DGLUCY: variants seen among roughly 807,000 people sequenced by gnomAD.
DGLUCY encodes D-glutamate cyclase, also known as D-glutamate cyclase, mitochondrial.
A neutral mutation model predicts 58.5 loss-of-function variants in DGLUCY; 58 were observed. The observed-to-expected ratio is 0.99, with a 90% CI of 0.80 to 1.23. The LOEUF (loss-of-function observed/expected upper bound fraction) is 1.23, where lower values mean the gene tolerates loss of function less well. DGLUCY is among the 50% of genes most tolerant of loss of function. DGLUCY has a pLI of 0.00. For synonymous variants in DGLUCY, 325 were observed against 314.1 expected, an observed-to-expected ratio of 1.03 and a Z score of -0.37; for missense variants, 779 against 784.7, an observed-to-expected ratio of 0.99 and a Z score of 0.09.
chr14:91,181,283 T>C lies in DGLUCY; in HGVS notation c.828T>C (p.Ile276=), dbSNP rs942932055. ...APPGCLTPER[I]PEVHHISQDP... ...CTGGTTGTCTCACCCCAGAGAGAAT[T>C]CCAGAGGTCCATCACATTTCCCAAG... Residue 276 remains isoleucine (I), a synonymous_variant, in exon 8 of 14, where the codon ATT becomes ATC. Coordinates refer to ENST00000256324, the MANE Select transcript of DGLUCY (RefSeq NM_001102368.3). 8.7e-6 allele frequency: 14 copies of C among 1,614,160 alleles called. No individual in the cohort carries two copies. The highest frequency in any genetic ancestry group is 1.1e-5 in the Non-Finnish European group (13 of 1,180,006).
chr14:91,155,958 A>G (rs1325143888), intron 1 of DGLUCY, among the ~76,000 whole-genome samples: 1 of 152,106 alleles, frequency 6.6e-6, no homozygotes, highest in Non-Finnish European at 1.5e-5. Context: ...CTCTGAGGGC[A>G]CCACTGATAC....
intron 1 of DGLUCY, among the ~76,000 whole-genome samples, chr14:91,134,649 G>C (rs1330013474): frequency 1.3e-5 from 2 of 152,010 alleles, no homozygotes; most frequent in Admixed American, 6.6e-5. Context: ...TGTTGCCCAG[G>C]CTGCTCTCAA....
chr14:91,110,970 T>C (rs1423316005), upstream of DGLUCY, among the ~76,000 whole-genome samples: 1 of 152,166 alleles, frequency 6.6e-6, no homozygotes. Context: ...TAACTCCAGG[T>C]ACTTCATATA....
At chr14:91,112,746 G>A (rs776026644), upstream of DGLUCY, among the ~76,000 whole-genome samples, 6 of 151,974 alleles carry the variant, frequency 3.9e-5, no homozygotes, top group Non-Finnish European at 8.8e-5. Context: ...TAGGCTGGGA[G>A]CGGTGGCTGA....
rs1171885166 is a variant in DGLUCY, at chr14:91,135,798, CT to C, written c.-82+21516del. Among the ~76,000 whole-genome samples, 3 of 149,012 alleles carry C rather than the reference CT, an allele frequency of 2.0e-5. No individual in the cohort carries two copies. In the East Asian group the frequency reaches 5.9e-4, roughly 29 times the overall value. ...ACATTAAATGCTACTAATTTTTTTTCTGCATTTATTGAGATAGTATCTTTTT... is the reference window on the plus strand; with the variant it reads ...ACATTAAATGCTACTAATTTTTTTTCGCATTTATTGAGATAGTATCTTTTT... On this transcript the variant is annotated intron_variant, in intron 1 of 13. Coordinates refer to ENST00000256324, the MANE Select transcript of DGLUCY (RefSeq NM_001102368.3).
chr14:91,182,832 C>T (rs899478161), intron 8 of DGLUCY, among the ~76,000 whole-genome samples: 3 of 152,120 alleles, frequency 2.0e-5, no homozygotes, highest in East Asian at 1.9e-4. Context: ...GGCTTTGGAG[C>T]CACTGGCCTT....
chr14:91,214,727 A>G (rs1026421484), intron 12 of DGLUCY, among the ~76,000 whole-genome samples: 10 of 152,216 alleles, frequency 6.6e-5, no homozygotes, highest in Middle Eastern at 3.2e-3. Flanking sequence ...AGGTGCACCT[A>G]TAATCCCAGC....
chr14:91,205,728 G>C lies in DGLUCY; in HGVS notation c.1564+903G>C, dbSNP rs78265948. On this transcript the variant is annotated intron_variant, in intron 12 of 13. Coordinates refer to ENST00000256324, the MANE Select transcript of DGLUCY (RefSeq NM_001102368.3). ...CTTGCATCATTGGAGGGAAAAATGA[G>C]TCATTTTCAAGTAGGCCAGGGCATT... 1.5e-3 allele frequency among the ~76,000 whole-genome samples: 211 copies of C among 138,006 alleles called. 1 individual carries two copies. Among genetic ancestry groups the C allele is most frequent in the African/African-American group, 5.6e-3 (205 of 36,548 alleles). The allele number at this position is 138,006 out of a possible 152,430, so 90.5% of individuals were successfully genotyped here.
At chr14:91,062,975 T>C (rs766890779) in intron 1 of DGLUCY, among the ~76,000 whole-genome samples, 1 of 152,130 alleles carries the variant, frequency 6.6e-6, no homozygotes, top group Admixed American at 6.5e-5. Context: ...CAGTCCTTGC[T>C]CCTATAGAGC....
upstream of DGLUCY, among the ~76,000 whole-genome samples, chr14:91,111,248 G>GTATA (rs779114336): frequency 4.9e-5 from 4 of 81,156 alleles, no homozygotes; most frequent in East Asian, 9.4e-4. Context: ...GTGTGTGTGT[G>GTATA]TATATATCTA....
intron 6 of DGLUCY, among the ~76,000 whole-genome samples, chr14:91,175,225 C>T (rs1175626011): frequency 6.6e-6 from 1 of 152,072 alleles, no homozygotes; most frequent in Non-Finnish European, 1.5e-5. Context: ...AGCGTATTCA[C>T]TCAATCTGAG....
intron 1 of DGLUCY, among the ~76,000 whole-genome samples, chr14:91,157,219 A>ATGGATGGATGGG (rs1566971836): frequency 2.2e-5 from 3 of 134,426 alleles, no homozygotes; most frequent in African/African-American, 1.0e-4. Context: ...GAATGGGTGG[A>ATGGATGGATGGG]TGGATGGATG....
intron 1 of DGLUCY, among the ~76,000 whole-genome samples, chr14:91,123,473 G>A (rs537534813): frequency 1.1e-5 from 1 of 87,780 alleles, no homozygotes; most frequent in South Asian, 4.7e-4. Flanking sequence ...GAGAGATGAG[G>A]TGGAGACAGT....
intron 1 of DGLUCY, among the ~76,000 whole-genome samples, chr14:91,068,788 AATGAAAC>A (rs2043869189): frequency 6.6e-6 from 1 of 152,252 alleles, no homozygotes; most frequent in African/African-American, 2.4e-5. Flanking sequence ...TCCCATTTTT[AATGAAAC>A]AAGGAAACTC....
chr14:91,070,215 C>A (rs889094977), intron 1 of DGLUCY, among the ~76,000 whole-genome samples: 1 of 152,190 alleles, frequency 6.6e-6, no homozygotes, highest in East Asian at 1.9e-4. Flanking sequence ...TTTTTTGTGA[C>A]CTGCCCTCCA....
Position 91,160,389 on chromosome 14 carries a change from T to A in DGLUCY, c.95T>A (p.Met32Lys). The A allele has an allele frequency of 7.2e-7, 1 of 1,386,964 alleles. No individual in the cohort carries two copies. Among genetic ancestry groups the A allele is most frequent in the Non-Finnish European group, 1.0e-6 (1 of 1,000,330 alleles). The allele number at this position is 1,386,964 out of a possible 1,614,324, so 85.9% of individuals were successfully genotyped here. Residue 32 changes from methionine to lysine, a missense_variant, in exon 3 of 14, where the codon ATG becomes AAG. Coordinates refer to ENST00000256324, the MANE Select transcript of DGLUCY (RefSeq NM_001102368.3). ...KKPNIRNTSSMAGELRPASLV... is the reference protein window; with the variant it reads ...KKPNIRNTSSKAGELRPASLV... The stretch of plus-strand genomic sequence containing the variant: ...CCAAACATCAGAAATACATCCAGCA[T>A]GGCTGGAGGTAAGTGGTGCCAGATA...
In DGLUCY at chr14:91,188,926, G is replaced by A; in HGVS notation, c.951G>A (p.Gly317=). The A allele has an allele frequency of 6.2e-7, 1 of 1,613,672 alleles. No individual in the cohort carries two copies. The highest frequency in any genetic ancestry group is 1.1e-5 in the South Asian group (1 of 90,942). ...IGIDPGNRGI[G]HLLCKDELLK... ...TCATTTCAGGGAACCGGGGGATTGG[G>A]CACCTGCTCTGTAAAGATGAGCTGC... The change falls in exon 9 of 14, where the codon GGG becomes GGA. Residue 317 remains glycine (G), a synonymous_variant. Transcript: ENST00000256324.
chr14:91,170,193 G>A lies in DGLUCY; in HGVS notation c.448G>A (p.Ala150Thr), dbSNP rs1156624797. The change falls in exon 5 of 14, where the codon GCA becomes ACA. Residue 150 changes from alanine (A) to threonine (T), a missense_variant. Coordinates refer to ENST00000256324, the MANE Select transcript of DGLUCY (RefSeq NM_001102368.3). Reference sequence around the variant, plus strand: ...CCCAGCAGGTCACAGCCAGGCGGGTGCATACAAGGTAGGGACACAGCCCAC... The same window carrying A: ...CCCAGCAGGTCACAGCCAGGCGGGTACATACAAGGTAGGGACACAGCCCAC... ...RDPAGHSQAGAYKTTVPCVTH... is the reference protein window; with the variant it reads ...RDPAGHSQAGTYKTTVPCVTH... The A allele has an allele frequency of 9.9e-6, 16 of 1,613,354 alleles. No individual in the cohort carries two copies. The highest frequency in any genetic ancestry group is 2.7e-5 in the African/African-American group (2 of 74,944).
intron 1 of DGLUCY, among the ~76,000 whole-genome samples, chr14:91,142,388 G>A (rs137944684): frequency 6.6e-6 from 1 of 152,224 alleles, no homozygotes; most frequent in East Asian, 1.9e-4. Flanking sequence ...GAAACTGCAC[G>A]GCTTCCATTA....
Sources: gnomAD v4.1 joint callset for allele counts (sites outside exome capture counted in the v4.1 genomes callset) on GRCh38, gnomAD v4.1.1 for gene constraint, MANE v1.5 for transcripts, NCBI Gene and HGNC (gene_info 2026-07-23, HGNC 2026-07-21) for gene names.